Variants in DNAH5 observed in about 807,000 individuals in gnomAD.
DNAH5 encodes the protein dynein axonemal heavy chain 5.
In DNAH5, 372 loss-of-function variants were observed where a neutral mutation model predicts 518.2. The ratio of observed to expected loss-of-function variants is 0.72; its 90% CI spans 0.66 to 0.78. The LOEUF (loss-of-function observed/expected upper bound fraction) is 0.78. Among genes scored for constraint, DNAH5 ranks in the 30% least tolerant of loss-of-function variants. The pLI is 0.00. For synonymous variants in DNAH5, 2,039 were observed against 2,025.9 expected, an observed-to-expected ratio of 1.01 and a Z score of -0.17; for missense variants, 5,523 against 5,687.0, an observed-to-expected ratio of 0.97 and a Z score of 0.93.
At chr5:13,843,168 C>T (rs947651009) in intron 32 of DNAH5, among the ~76,000 whole-genome samples, 2 of 152,142 alleles carry the variant, frequency 1.3e-5, no homozygotes, top group Non-Finnish European at 2.9e-5. Flanking sequence ...TCCTCTCTGT[C>T]CCCTCTAACA....
At chr5:13,798,463 A>G (rs1350550055) in intron 47 of DNAH5, among the ~76,000 whole-genome samples, 1 of 152,146 alleles carries the variant, frequency 6.6e-6, no homozygotes, top group African/African-American at 2.4e-5. Flanking sequence ...TAACTGTAGG[A>G]ATCCACTAAT....
At chr5:13,883,209 T>G (rs1230519716) in intron 19 of DNAH5, 115 bp from the exon 20 acceptor site, 1 of 1,120,710 alleles carries the variant, frequency 8.9e-7, no homozygotes, top group South Asian at 1.3e-5. Context: ...CTAATAAATA[T>G]TTGTTGAATG....
At chr5:13,859,376 G>A in intron 30 of DNAH5, 76 bp downstream of exon 30, 2 of 1,472,952 alleles carry the variant, frequency 1.4e-6, no homozygotes, top group Non-Finnish European at 1.9e-6. Flanking sequence ...GAATATTATT[G>A]CATTATTTAA....
chr5:13,760,984 T>C (rs1256374317), intron 60 of DNAH5, among the ~76,000 whole-genome samples: 1 of 152,192 alleles, frequency 6.6e-6, no homozygotes, highest in Admixed American at 6.5e-5. Flanking sequence ...ACAAGCTGAG[T>C]GGTCCAAGAT....
intron 35 of DNAH5, among the ~76,000 whole-genome samples, chr5:13,836,543 C>T (rs559230326): frequency 6.6e-6 from 1 of 152,224 alleles, no homozygotes; most frequent in Non-Finnish European, 1.5e-5. Flanking sequence ...TCAACTGCTC[C>T]CATGCAGCTG....
chr5:13,760,099 C>A (rs1751580203), intron 60 of DNAH5, among the ~76,000 whole-genome samples: 3 of 152,142 alleles, frequency 2.0e-5, no homozygotes, highest in Admixed American at 1.3e-4. Context: ...TGGCTCAAAA[C>A]ATGGAAGGAA....
intron 38 of DNAH5, among the ~76,000 whole-genome samples, chr5:13,825,261 T>C (rs1197235237): frequency 6.6e-6 from 1 of 152,012 alleles, no homozygotes; most frequent in African/African-American, 2.4e-5. Flanking sequence ...TGAGAATCAC[T>C]TAAACCCAGG....
chr5:13,909,284 G>T (rs999331288), intron 12 of DNAH5, among the ~76,000 whole-genome samples: 1 of 152,072 alleles, frequency 6.6e-6, no homozygotes, highest in Non-Finnish European at 1.5e-5. Context: ...TTACAAAATA[G>T]GCAGAGTAAG....
chr5:13,892,739 A>G (rs537473788), intron 16 of DNAH5, among the ~76,000 whole-genome samples: 4 of 152,306 alleles, frequency 2.6e-5, no homozygotes, highest in Admixed American at 2.6e-4. Flanking sequence ...ATGATAACTC[A>G]TTATCATGTT....
chr5:13,719,164 C>T lies in DNAH5; in HGVS notation c.12280-63G>A. On this transcript the variant is annotated intron_variant, in intron 71 of 78. Transcript: ENST00000265104. ...ATTTCACCCAAATTCTAAATTATTA[C>T]ATTCTTTAGAAATTAAGTAATTAAA... 2.4e-6 allele frequency: 3 copies of T among 1,246,150 alleles called. No individual in the cohort carries two copies. The East Asian group carries it at 7.5e-5, about 31-fold the overall frequency. The allele number at this position is 1,246,150 out of a possible 1,614,324, so 77.2% of individuals were successfully genotyped here. A position where few individuals can be genotyped will look rare whatever the true frequency, so the allele number is the denominator to read the frequency against.
chr5:13,906,261 T>G (rs1449515704), intron 12 of DNAH5, among the ~76,000 whole-genome samples: 1 of 152,170 alleles, frequency 6.6e-6, no homozygotes, highest in East Asian at 1.9e-4. Context: ...GGACTTTAGA[T>G]GGTAATGATG....
intron 65 of DNAH5, among the ~76,000 whole-genome samples, chr5:13,740,127 T>C (rs962517805): frequency 5.9e-5 from 9 of 152,078 alleles, no homozygotes; most frequent in Non-Finnish European, 1.3e-4. Context: ...CTCCTCAAAT[T>C]CAACAACAAA....
At chr5:13,720,206 CT>C (rs70964505) in intron 71 of DNAH5, among the ~76,000 whole-genome samples, 63,944 of 151,550 alleles carry the variant, frequency 0.42, 13,611 homozygotes, top group South Asian at 0.46. Context: ...CTTATATTTT[CT>C]TCAGAAATTT....
intron 53 of DNAH5, 75 bp from the exon 54 acceptor site, chr5:13,777,430 A>C: frequency 7.3e-7 from 1 of 1,379,290 alleles, no homozygotes; most frequent in South Asian, 1.2e-5. Flanking sequence ...ACAACGCATT[A>C]TGCCATTTAG....
intron 47 of DNAH5, among the ~76,000 whole-genome samples, chr5:13,794,947 A>C (rs1186809187): frequency 2.0e-5 from 3 of 152,254 alleles, no homozygotes; most frequent in Non-Finnish European, 2.9e-5. Flanking sequence ...AGCCTGGGCG[A>C]CAGAGCGAGA....
At position 13,900,662 on chromosome 5, in the gene DNAH5, T is replaced by C. The variant is rs374702437; in HGVS notation, c.2053-250A>G. The C allele has an allele frequency of 9.5e-6, 5 of 526,184 alleles. No individual in the cohort carries two copies. In the East Asian group the frequency reaches 1.7e-4, roughly 18 times the overall value. The allele number at this position is 526,184 out of a possible 1,614,324, so 32.6% of individuals were successfully genotyped here. A position where few individuals can be genotyped will look rare whatever the true frequency, so the allele number is the denominator to read the frequency against. ...AATGACTCTAACACTGATAAATAAG[T>C]GGACACTGCAACAGTGGTGGCGTCT... On this transcript the variant is annotated intron_variant, in intron 14 of 78. Coordinates refer to ENST00000265104, the MANE Select transcript of DNAH5 (RefSeq NM_001369.3).
intron 75 of DNAH5, among the ~76,000 whole-genome samples, chr5:13,713,107 G>GTATATATATA (rs1554018591): frequency 1.4e-5 from 2 of 139,950 alleles, no homozygotes; most frequent in Admixed American, 1.5e-4. Flanking sequence ...GTGTGTGTGT[G>GTATATATATA]TATATATATA....
rs199593567 is a variant in DNAH5 at position 13,974,142 on chromosome 5, TC to T, written c.12+37505del. Among the ~76,000 whole-genome samples, 402 of 145,964 alleles carry T rather than the reference TC, an allele frequency of 2.8e-3. 17 individuals are homozygous for T. The highest frequency in any genetic ancestry group is 0.011 in the Middle Eastern group (3 of 284). The stretch of plus-strand genomic sequence containing the variant: ...TTTTAATTAGTTTTTTCTTTTCTTT[TC>T]TTTTTTTTTTTAGACAGGGCCTCAC... On this transcript the variant is annotated intron_variant, in intron 1 of 78. Transcript: ENST00000681290.
At chr5:13,860,952 C>A (rs772653590) in intron 29 of DNAH5, among the ~76,000 whole-genome samples, 13 of 152,076 alleles carry the variant, frequency 8.5e-5, no homozygotes, top group Non-Finnish European at 1.3e-4. Context: ...ATGCATCTTT[C>A]TGAATATTTG....
Sources: allele counts gnomAD v4.1 joint callset (sites outside exome capture counted in the v4.1 genomes callset), GRCh38; gene constraint gnomAD v4.1.1; transcripts MANE v1.5; gene names NCBI Gene and HGNC (gene_info 2026-07-23, HGNC 2026-07-21).